Variants in TRIM56 observed in about 807,000 individuals in gnomAD.
TRIM56 encodes the protein tripartite motif containing 56, also known as E3 ubiquitin-protein ligase TRIM56.
TRIM56 carries 10 observed loss-of-function variants against 17.1 expected under a neutral mutation model. The ratio of observed to expected loss-of-function variants is 0.58; its 90% CI spans 0.36 to 0.99. The LOEUF (loss-of-function observed/expected upper bound fraction) is 0.99, where lower values mean the gene tolerates loss of function less well. TRIM56 is among the 50% of genes least tolerant of loss of function. TRIM56 has a pLI of 0.01. For synonymous variants in TRIM56, 503 were observed against 473.5 expected, an observed-to-expected ratio of 1.06 and a Z score of -0.81; for missense variants, 923 against 1,052.3, an observed-to-expected ratio of 0.88 and a Z score of 1.70.
At chr7:101,085,838 C>T (rs1312994293) in intron 1 of TRIM56, among the ~76,000 whole-genome samples, 1 of 152,158 alleles carries the variant, frequency 6.6e-6, no homozygotes, top group Non-Finnish European at 1.5e-5. Context: ...CCTAGTCTGC[C>T]CAACAAGTAG....
In TRIM56 at chr7:101,092,690, G is replaced by C. The variant is rs1435383482; in HGVS notation, c.*3110G>C. Reference sequence around the variant, plus strand: ...GGAGGTGGGGGATCAGTCCCCGCCCGGCCAGCCGCCCCGCCCGGGAGCGAG... The same window carrying C: ...GGAGGTGGGGGATCAGTCCCCGCCCCGCCAGCCGCCCCGCCCGGGAGCGAG... On this transcript the variant is annotated 3_prime_UTR_variant, in exon 3 of 3. Coordinates refer to ENST00000306085, the MANE Select transcript of TRIM56 (RefSeq NM_030961.3). The C allele has an allele frequency of 6.9e-6, 1 of 145,352 alleles. No homozygotes were observed. Among genetic ancestry groups the C allele is most frequent in the Non-Finnish European group, 1.5e-5 (1 of 67,656 alleles). 9.0% of individuals were successfully genotyped at this position (145,352 alleles called of 1,614,324 possible).
rs1381483522 is a variant in TRIM56, at chr7:101,091,496, G to A, written c.*1916G>A. 1.1e-5 allele frequency: 3 copies of A among 278,706 alleles called. No individual in the cohort carries two copies. Among genetic ancestry groups the A allele is most frequent in the Non-Finnish European group, 2.1e-5 (3 of 139,930 alleles). The allele number at this position is 278,706 out of a possible 1,614,324, so 17.3% of individuals were successfully genotyped here. A position where few individuals can be genotyped will look rare whatever the true frequency, so the allele number is the denominator to read the frequency against. Reference sequence around the variant, plus strand: ...AATCCCAGCACTCTGGGAGGCTGGGGTGGGTGGATCACTCAAGGTCAGGAG... The same window carrying A: ...AATCCCAGCACTCTGGGAGGCTGGGATGGGTGGATCACTCAAGGTCAGGAG... On this transcript the variant is annotated 3_prime_UTR_variant, in exon 3 of 3. Coordinates refer to ENST00000306085, the MANE Select transcript of TRIM56 (RefSeq NM_030961.3).
At position 101,088,983 on chromosome 7, in the gene TRIM56, C is replaced by G; in HGVS notation, c.1671C>G (p.Ala557=). The change falls in exon 3 of 3, where the codon GCC becomes GCG. Residue 557 remains alanine (A), a synonymous_variant. Coordinates refer to ENST00000306085, the MANE Select transcript of TRIM56 (RefSeq NM_030961.3). ...PEGCSPCSVA[A]LQSAVAFSAS... is the part of the protein sequence containing the mutation. Reference sequence around the variant, plus strand: ...GCTGCTCCCCTTGCAGCGTGGCCGCCCTGCAGAGCGCGGTGGCCTTCTCCG... The same window carrying G: ...GCTGCTCCCCTTGCAGCGTGGCCGCGCTGCAGAGCGCGGTGGCCTTCTCCG... 6.2e-7 allele frequency: 1 copy of G among 1,611,162 alleles called. No individual in the cohort carries two copies. Among genetic ancestry groups the G allele is most frequent in the South Asian group, 1.1e-5 (1 of 91,074 alleles).
intron 1 of TRIM56, among the ~76,000 whole-genome samples, chr7:101,086,337 G>T (rs1260323238): frequency 2.6e-5 from 4 of 151,924 alleles, no homozygotes; most frequent in Admixed American, 6.6e-5. Context: ...GAGGAGGGCG[G>T]ATCACCTGAG....
Position 101,088,184 on chromosome 7 carries a change from G to A in TRIM56, c.872G>A (p.Arg291Lys). 1 of 1,485,288 alleles carries A rather than the reference G, an allele frequency of 6.7e-7. No individual in the cohort carries two copies. The allele number at this position is 1,485,288 out of a possible 1,614,324, so 92.0% of individuals were successfully genotyped here. ...VEAAEEAARE[R>K]LAELEGREQV... Reference sequence around the variant, plus strand: ...GCTGCCGAAGAAGCTGCTCGGGAGAGGCTGGCGGAGCTTGAGGGCCGGGAG... The same window carrying A: ...GCTGCCGAAGAAGCTGCTCGGGAGAAGCTGGCGGAGCTTGAGGGCCGGGAG... The change falls in exon 3 of 3, where the codon AGG becomes AAG. Residue 291 changes from arginine (R) to lysine (K), a missense_variant. By Grantham distance (26) the Arg-to-Lys change is conservative (BLOSUM62 2). Transcript: ENST00000306085.
In TRIM56 at chr7:101,088,018, G is replaced by A; in HGVS notation, c.706G>A (p.Val236Met). The change falls in exon 3 of 3, where the codon GTG becomes ATG. Residue 236 changes from valine to methionine, a missense_variant. By Grantham distance (21) the Val-to-Met change is conservative. Transcript: ENST00000306085. ...NLVELEAARRVEKEALARLRE... is the reference protein window; with the variant it reads ...NLVELEAARRMEKEALARLRE... ...GGTGGAGCTGGAGGCAGCGCGGAGG[G>A]TGGAGAAGGAGGCGCTAGCCCGGCT... The A allele has an allele frequency of 6.4e-7, 1 of 1,569,726 alleles. No individual in the cohort carries two copies.
Position 101,094,495 on chromosome 7 carries a change from A to C in TRIM56, c.*4915A>C, listed in dbSNP as rs1359403598. ...TCAAGGAAATACACCTTTATAAGTA[A>C]TACTCAATAACTACTGGGTTTGAGA... On this transcript the variant is annotated 3_prime_UTR_variant, in exon 3 of 3. Coordinates refer to ENST00000306085, the MANE Select transcript of TRIM56 (RefSeq NM_030961.3). The C allele has an allele frequency of 6.6e-6, 1 of 152,208 alleles. No individual in the cohort carries two copies. The highest frequency in any genetic ancestry group is 2.4e-5 in the African/African-American group (1 of 41,446). 9.4% of individuals were successfully genotyped at this position (152,208 alleles called of 1,614,324 possible). A position where few individuals can be genotyped will look rare whatever the true frequency, so the allele number is the denominator to read the frequency against.
In TRIM56 at chr7:101,088,976, T is replaced by C; in HGVS notation, c.1664T>C (p.Val555Ala). The C allele has an allele frequency of 1.9e-6, 3 of 1,611,878 alleles. No individual in the cohort carries two copies. The highest frequency in any genetic ancestry group is 2.5e-6 in the Non-Finnish European group (3 of 1,179,978). ...CCTGAGGGCTGCTCCCCTTGCAGCG[T>C]GGCCGCCCTGCAGAGCGCGGTGGCC... ...PVPEGCSPCS[V>A]AALQSAVAFS... The change falls in exon 3 of 3, where the codon GTG becomes GCG. Residue 555 changes from valine (V) to alanine (A), a missense_variant. Transcript: ENST00000306085.
At position 101,088,584 on chromosome 7, in the gene TRIM56, C is replaced by A; in HGVS notation, c.1272C>A (p.Ala424=). 1 of 1,609,272 alleles carries A rather than the reference C, an allele frequency of 6.2e-7. No homozygotes were observed. Among genetic ancestry groups the A allele is most frequent in the African/African-American group, 1.3e-5 (1 of 74,786 alleles). ...DGAQTPKEEK[A]QTTREEGAQT... Reference sequence around the variant, plus strand: ...CCCAGACCCCAAAAGAGGAAAAAGCCCAGACAACCCGAGAAGAGGGAGCCC... The same window carrying A: ...CCCAGACCCCAAAAGAGGAAAAAGCACAGACAACCCGAGAAGAGGGAGCCC... Residue 424 remains alanine (A), a synonymous_variant, in exon 3 of 3, where the codon GCC becomes GCA. Transcript: ENST00000306085.
rs1795604464 is a variant in TRIM56 at position 101,093,009 on chromosome 7, TGG to T, written c.*3431_*3432del. On this transcript the variant is annotated 3_prime_UTR_variant, in exon 3 of 3. Coordinates refer to ENST00000306085, the MANE Select transcript of TRIM56 (RefSeq NM_030961.3). ...TGTACTAAGAAAAATTCTTCTGCCT[TGG>T]GATGCTGTTAATCTAAGACCTTACC... 1 of 181,958 alleles carries T rather than the reference TGG, an allele frequency of 5.5e-6. No individual in the cohort carries two copies. Among genetic ancestry groups the T allele is most frequent in the Non-Finnish European group, 1.1e-5 (1 of 90,410 alleles). 11.3% of individuals were successfully genotyped at this position (181,958 alleles called of 1,614,324 possible). A position where few individuals can be genotyped will look rare whatever the true frequency, so the allele number is the denominator to read the frequency against.
Position 101,094,838 on chromosome 7 carries a change from G to A in TRIM56, c.*5258G>A, listed in dbSNP as rs544638207. The A allele has an allele frequency of 7.6e-6, 1 of 130,740 alleles. No homozygotes were observed. Among genetic ancestry groups the A allele is most frequent in the African/African-American group, 2.8e-5 (1 of 36,190 alleles). The allele number at this position is 130,740 out of a possible 1,614,324, so 8.1% of individuals were successfully genotyped here. A position where few individuals can be genotyped will look rare whatever the true frequency, so the allele number is the denominator to read the frequency against. On this transcript the variant is annotated 3_prime_UTR_variant, in exon 3 of 3. Transcript: ENST00000306085. Reference sequence around the variant, plus strand: ...CATGGGGGCGGGGGGAGGGGGGCAGGGAACGGTGTCTGTCTTCATTGCAGC... The same window carrying A: ...CATGGGGGCGGGGGGAGGGGGGCAGAGAACGGTGTCTGTCTTCATTGCAGC...
At position 101,087,757 on chromosome 7, in the gene TRIM56, C is replaced by T. The variant is rs1021494015; in HGVS notation, c.445C>T (p.Leu149=). ...RQTHTHRVVD[L]VGYRAGWYDE... ...GACCCACACCCACCGCGTGGTGGAC[C>T]TGGTGGGCTACAGGGCCGGGTGGTA... Residue 149 remains leucine, a synonymous_variant, in exon 3 of 3, where the codon CTG becomes TTG. Coordinates refer to ENST00000306085, the MANE Select transcript of TRIM56 (RefSeq NM_030961.3). The T allele has an allele frequency of 1.2e-6, 2 of 1,605,952 alleles. No homozygotes were observed. The highest frequency in any genetic ancestry group is 1.7e-6 in the Non-Finnish European group (2 of 1,177,630).
Position 101,088,363 on chromosome 7 carries a change from C to T in TRIM56, c.1051C>T (p.Gln351Ter). The T allele has an allele frequency of 6.4e-7, 1 of 1,554,614 alleles. No individual in the cohort carries two copies. The highest frequency in any genetic ancestry group is 8.7e-7 in the Non-Finnish European group (1 of 1,152,274). The change falls in exon 3 of 3, where the codon CAG (glutamine) becomes TAG (stop). Residue 351 changes from glutamine (Q) to a stop codon, truncating the protein, a stop_gained. Coordinates refer to ENST00000306085, the MANE Select transcript of TRIM56 (RefSeq NM_030961.3). LOFTEE classifies it low-confidence loss of function (END_TRUNC). Reference protein sequence around the residue: ...APGPAPCLLPQLELHPGLLDK... With the variant: ...APGPAPCLLP ...AGGCCCGGCCCCCTGCCTGCTCCCA[C>T]AGCTGGAGCTCCATCCTGGGCTCCT...
At position 101,088,266 on chromosome 7, in the gene TRIM56, G is replaced by A. The variant is rs1332836242; in HGVS notation, c.954G>A (p.Glu318=). The change falls in exon 3 of 3, where the codon GAG becomes GAA. Residue 318 remains glutamate, a synonymous_variant. Transcript: ENST00000306085. ...GCCGGGTACTCAGCCTGGGGCGAGA[G>A]GCCGAGATCCTCTCCCTGGAAGGGG... is the stretch of plus-strand genomic sequence containing the variant. ...FARRVLSLGR[E]AEILSLEGAI... is the part of the protein sequence containing the mutation. 3.3e-6 allele frequency: 5 copies of A among 1,503,672 alleles called. No individual in the cohort carries two copies. The highest frequency in any genetic ancestry group is 4.4e-6 in the Non-Finnish European group (5 of 1,132,626). The allele number at this position is 1,503,672 out of a possible 1,614,324, so 93.1% of individuals were successfully genotyped here.
In TRIM56 at chr7:101,088,588, A is replaced by G; in HGVS notation, c.1276A>G (p.Thr426Ala). The G allele has an allele frequency of 6.2e-7, 1 of 1,612,986 alleles. No homozygotes were observed. The change falls in exon 3 of 3, where the codon ACA (threonine) becomes GCA (alanine). Residue 426 changes from threonine to alanine, a missense_variant. Coordinates refer to ENST00000306085, the MANE Select transcript of TRIM56 (RefSeq NM_030961.3). ...GACCCCAAAAGAGGAAAAAGCCCAG[A>G]CAACCCGAGAAGAGGGAGCCCAGAC... ...AQTPKEEKAQ[T>A]TREEGAQTLE...
Position 101,087,519 on chromosome 7 carries a change from T to C in TRIM56, c.207T>C (p.Gly69=). The C allele has an allele frequency of 1.9e-6, 3 of 1,613,132 alleles. No homozygotes were observed. Among genetic ancestry groups the C allele is most frequent in the Non-Finnish European group, 2.5e-6 (3 of 1,179,622 alleles). ...CRETVPVPPE[G]VASFKTNFFV... Reference sequence around the variant, plus strand: ...AGACAGTGCCTGTGCCGCCCGAGGGTGTGGCCTCCTTCAAGACCAACTTCT... The same window carrying C: ...AGACAGTGCCTGTGCCGCCCGAGGGCGTGGCCTCCTTCAAGACCAACTTCT... Residue 69 remains glycine, a synonymous_variant, in exon 3 of 3, where the codon GGT becomes GGC. Transcript: ENST00000306085.
Position 101,096,780 on chromosome 7 carries a change from T to A in TRIM56, c.*7200T>A, listed in dbSNP as rs1444476944. 6.6e-6 allele frequency: 1 copy of A among 152,174 alleles called. No homozygotes were observed. Among genetic ancestry groups the A allele is most frequent in the Non-Finnish European group, 1.5e-5 (1 of 68,044 alleles). 9.4% of individuals were successfully genotyped at this position (152,174 alleles called of 1,614,324 possible). On this transcript the variant is annotated 3_prime_UTR_variant, in exon 3 of 3. Transcript: ENST00000306085. ...GAGTAGAGCTTTCTGCAAATCAGCT[T>A]CTCCTTCAGAGGAGACCATTTTGTT...
At position 101,088,091 on chromosome 7, in the gene TRIM56, A is replaced by T; in HGVS notation, c.779A>T (p.Glu260Val). Residue 260 changes from glutamate to valine, a missense_variant, in exon 3 of 3, where the codon GAG becomes GTG. Transcript: ENST00000306085. ...GGGACTCAGGTGGAGGAGGCGGCTGAGGGCGTCCTCCGGGCCCTGCTGGCC... is the reference window on the plus strand; with the variant it reads ...GGGACTCAGGTGGAGGAGGCGGCTGTGGGCGTCCTCCGGGCCCTGCTGGCC... ...RVGTQVEEAA[E>V]GVLRALLAQK... is the part of the protein sequence containing the mutation. 6.6e-7 allele frequency: 1 copy of T among 1,513,546 alleles called. No individual in the cohort carries two copies. Among genetic ancestry groups the T allele is most frequent in the South Asian group, 1.2e-5 (1 of 81,486 alleles). 93.8% of individuals were successfully genotyped at this position (1,513,546 alleles called of 1,614,324 possible). A position where few individuals can be genotyped will look rare whatever the true frequency, so the allele number is the denominator to read the frequency against.
Position 101,090,402 on chromosome 7 carries a change from A to C in TRIM56, c.*822A>C, listed in dbSNP as rs1795540758. 6.1e-6 allele frequency: 1 copy of C among 163,322 alleles called. No homozygotes were observed. Among genetic ancestry groups the C allele is most frequent in the African/African-American group, 2.4e-5 (1 of 41,420 alleles). 10.1% of individuals were successfully genotyped at this position (163,322 alleles called of 1,614,324 possible). A position where few individuals can be genotyped will look rare whatever the true frequency, so the allele number is the denominator to read the frequency against. On this transcript the variant is annotated 3_prime_UTR_variant, in exon 3 of 3. Coordinates refer to ENST00000306085, the MANE Select transcript of TRIM56 (RefSeq NM_030961.3). ...CACTTTGGGAGTCTGTGGCAGGAGGATTGCTTGAGGCCAGGAGTTTGAGAC... is the reference window on the plus strand; with the variant it reads ...CACTTTGGGAGTCTGTGGCAGGAGGCTTGCTTGAGGCCAGGAGTTTGAGAC...
Sources: allele counts gnomAD v4.1 joint callset (sites outside exome capture counted in the v4.1 genomes callset), GRCh38; gene constraint gnomAD v4.1.1; transcripts MANE v1.5; gene names NCBI Gene and HGNC (gene_info 2026-07-23, HGNC 2026-07-21).